The following TMCC1 variants were observed in gnomAD, a reference collection of about 807,000 sequenced individuals.
TMCC1 encodes the protein transmembrane and coiled-coil domain family 1, also known as transmembrane and coiled-coil domains protein 1.
Under a neutral mutation model 52.4 loss-of-function variants are expected in TMCC1, and 15 were observed. That is an observed-to-expected ratio of 0.29 (90% confidence interval 0.19 to 0.44). TMCC1 has a LOEUF of 0.44. TMCC1 is among the 20% of genes least tolerant of loss of function. TMCC1 has a pLI of 1.00. For synonymous variants in TMCC1, 279 were observed against 301.9 expected (o/e 0.92, Z 0.79); for missense variants, 503 against 806.0 (o/e 0.62, Z 4.55).
At chr3:129,848,985 A>G (rs767278574) in intron 2 of TMCC1, among the ~76,000 whole-genome samples, 16 of 152,208 alleles carry the variant, frequency 1.1e-4, no homozygotes, top group Non-Finnish European at 1.9e-4. Flanking sequence ...TCTTATTGTA[A>G]AGAATAAATG....
At chr3:129,866,503 G>A (rs1025666860) in intron 2 of TMCC1, among the ~76,000 whole-genome samples, 2 of 149,710 alleles carry the variant, frequency 1.3e-5, no homozygotes, top group African/African-American at 4.9e-5. Context: ...TCAGCCTCCC[G>A]AGTAGCTGGG....
intron 4 of TMCC1, among the ~76,000 whole-genome samples, chr3:129,694,296 G>A (rs886202694): frequency 2.6e-5 from 4 of 152,226 alleles, no homozygotes; most frequent in African/African-American, 9.7e-5. Flanking sequence ...GCTCAAAACT[G>A]TATGGCTCTG....
intron 4 of TMCC1, among the ~76,000 whole-genome samples, chr3:129,759,709 A>ATTTT (rs1560350161): frequency 7.1e-5 from 7 of 98,352 alleles, no homozygotes; most frequent in African/African-American, 2.8e-4. Flanking sequence ...AGCCAGCCAA[A>ATTTT]CTTTTTTTTT....
chr3:129,891,563 C>G (rs957855416), intron 1 of TMCC1, among the ~76,000 whole-genome samples: 5 of 152,104 alleles, frequency 3.3e-5, no homozygotes, highest in African/African-American at 1.2e-4. Flanking sequence ...ACTTCCTGGT[C>G]CTTTACCAAA....
chr3:129,767,905 T>C lies in TMCC1; in HGVS notation c.576+59898A>G, dbSNP rs1465444325. On this transcript the variant is annotated intron_variant, in intron 4 of 6. Coordinates refer to ENST00000393238, the MANE Select transcript of TMCC1 (RefSeq NM_001017395.5). ...CCCAACTTAAAAAATAAATACATATTTCAGGCCAGGCCCAGAGGCTCACGC... is the reference window on the plus strand; with the variant it reads ...CCCAACTTAAAAAATAAATACATATCTCAGGCCAGGCCCAGAGGCTCACGC... Among the ~76,000 whole-genome samples, 5 of 152,278 alleles carry C rather than the reference T, an allele frequency of 3.3e-5. 1 individual carries two copies. In the East Asian group the frequency reaches 9.6e-4, roughly 29 times the overall value.
intron 2 of TMCC1, among the ~76,000 whole-genome samples, chr3:129,839,817 C>G (rs2059341048): frequency 6.6e-6 from 1 of 151,862 alleles, no homozygotes; most frequent in Admixed American, 6.6e-5. Flanking sequence ...CCCAGGAGGT[C>G]CAGGCTACAG....
At chr3:129,817,378 G>C (rs1427682610) in intron 4 of TMCC1, among the ~76,000 whole-genome samples, 2 of 152,076 alleles carry the variant, frequency 1.3e-5, no homozygotes, top group Non-Finnish European at 2.9e-5. Flanking sequence ...GAGCCCAGGA[G>C]ATCAAGGCTG....
At chr3:129,682,615 C>G (rs1199381864) in intron 4 of TMCC1, among the ~76,000 whole-genome samples, 1 of 152,154 alleles carries the variant, frequency 6.6e-6, no homozygotes, top group East Asian at 1.9e-4. Context: ...AGATGACTCT[C>G]TCTGTCTCTA....
At chr3:129,876,286 C>CAAAAAA (rs61167884) in intron 2 of TMCC1, among the ~76,000 whole-genome samples, 6 of 90,982 alleles carry the variant, frequency 6.6e-5, no homozygotes, top group Non-Finnish European at 1.3e-4. Flanking sequence ...ATGCCTGGCT[C>CAAAAAA]AAAAAAAAAA....
At chr3:129,748,083 G>C (rs2052143318) in intron 4 of TMCC1, among the ~76,000 whole-genome samples, 1 of 152,164 alleles carries the variant, frequency 6.6e-6, no homozygotes, top group Non-Finnish European at 1.5e-5. Flanking sequence ...AGCTGAGCAA[G>C]TAGGTCATGT....
chr3:129,854,755 A>C (rs1162442875), intron 2 of TMCC1, among the ~76,000 whole-genome samples: 1 of 152,208 alleles, frequency 6.6e-6, no homozygotes, highest in Non-Finnish European at 1.5e-5. Flanking sequence ...TTTCTTGAGG[A>C]TGCCTTCTCT....
At chr3:129,773,448 GA>G (rs2054776119) in intron 4 of TMCC1, among the ~76,000 whole-genome samples, 2 of 152,118 alleles carry the variant, frequency 1.3e-5, no homozygotes, top group East Asian at 3.8e-4. Context: ...GACAAGGAAA[GA>G]GCTAGACTTC....
At chr3:129,701,129 C>T (rs2047793419) in intron 4 of TMCC1, among the ~76,000 whole-genome samples, 1 of 152,166 alleles carries the variant, frequency 6.6e-6, no homozygotes, top group Non-Finnish European at 1.5e-5. Flanking sequence ...TTTCTTGATG[C>T]TGATATCTGA....
chr3:129,764,184 T>C (rs1055904162), intron 4 of TMCC1, among the ~76,000 whole-genome samples: 1 of 152,262 alleles, frequency 6.6e-6, no homozygotes, highest in Non-Finnish European at 1.5e-5. Context: ...TCTTTTGTAA[T>C]GTTTACTGTC....
At chr3:129,842,334 C>T (rs1450011706) in intron 2 of TMCC1, among the ~76,000 whole-genome samples, 1 of 152,126 alleles carries the variant, frequency 6.6e-6, no homozygotes, top group Non-Finnish European at 1.5e-5. Context: ...GGCTTGGTGA[C>T]ATGCACCTGT....
At position 129,893,633 on chromosome 3, in the gene TMCC1, C is replaced by T. The variant is rs565175748; in HGVS notation, c.-574G>A. 1.3e-5 allele frequency: 2 copies of T among 152,596 alleles called. No individual in the cohort carries two copies. Among genetic ancestry groups the T allele is most frequent in the Non-Finnish European group, 2.9e-5 (2 of 68,318 alleles). The allele number at this position is 152,596 out of a possible 1,614,324, so 9.5% of individuals were successfully genotyped here. ...CCTCCCGACCCTCCCCCCGCGCCGCCTCAGCCGCCGCCGCCTCAGTCACCG... is the reference window on the plus strand; with the variant it reads ...CCTCCCGACCCTCCCCCCGCGCCGCTTCAGCCGCCGCCGCCTCAGTCACCG... On this transcript the variant is annotated 5_prime_UTR_variant, in exon 1 of 7. Transcript: ENST00000393238.
At chr3:129,834,971 G>C (rs942623571) in intron 2 of TMCC1, among the ~76,000 whole-genome samples, 3 of 152,084 alleles carry the variant, frequency 2.0e-5, no homozygotes, top group Non-Finnish European at 4.4e-5. Flanking sequence ...CCCTCTAGAC[G>C]GTTGTGAGAG....
chr3:129,798,280 C>T (rs1039621839), intron 4 of TMCC1, among the ~76,000 whole-genome samples: 2 of 152,132 alleles, frequency 1.3e-5, no homozygotes, highest in African/African-American at 4.8e-5. Context: ...CAGGCATGAG[C>T]CACCATGCCC....
intron 4 of TMCC1, among the ~76,000 whole-genome samples, chr3:129,740,080 C>T (rs951071360): frequency 4.6e-5 from 7 of 152,212 alleles, no homozygotes; most frequent in East Asian, 1.9e-4. Context: ...AGAAACAGAG[C>T]GGTGTAAGTG....
Sources: allele counts gnomAD v4.1 joint callset (sites outside exome capture counted in the v4.1 genomes callset), GRCh38; gene constraint gnomAD v4.1.1; transcripts MANE v1.5; gene names NCBI Gene and HGNC (gene_info 2026-07-23, HGNC 2026-07-21).